SYNDIG1: variants seen among roughly 807,000 people sequenced by gnomAD.
SYNDIG1 encodes the protein synapse differentiation inducing 1.
SYNDIG1 carries 9 observed loss-of-function variants against 19.4 expected under a neutral mutation model. The ratio of observed to expected loss-of-function variants is 0.46; its 90% CI spans 0.28 to 0.81. The LOEUF (loss-of-function observed/expected upper bound fraction) is 0.81. Ranked by LOEUF, SYNDIG1 falls within the 30% of genes least tolerant of loss-of-function variation. SYNDIG1 has a pLI of 0.12. For missense variants in SYNDIG1, 311 were observed against 343.3 expected, an observed-to-expected ratio of 0.91 and a Z score of 0.74; for synonymous variants, 141 against 145.9, an observed-to-expected ratio of 0.97 and a Z score of 0.24.
chr20:24,585,838 A>G (rs1347266984), intron 3 of SYNDIG1, among the ~76,000 whole-genome samples: 1 of 152,148 alleles, frequency 6.6e-6, no homozygotes, highest in South Asian at 2.1e-4. Context: ...GGTGCTGCGC[A>G]CCCATGGGGT....
rs2059565317 is a variant in SYNDIG1, at chr20:24,659,745, T to C, written c.619-5601T>C. On this transcript the variant is annotated intron_variant, in intron 3 of 3. Transcript: ENST00000376862. ...GACAGGTGCTGCCTTGTCAACGTAA[T>C]TACGTTTGCATCTGTGTTCAGAGAT... Among the ~76,000 whole-genome samples, 6 of 152,326 alleles carry C rather than the reference T, an allele frequency of 3.9e-5. No homozygotes were observed. The South Asian group carries it at 1.0e-3, about 26-fold the overall frequency.
intron 1 of SYNDIG1, among the ~76,000 whole-genome samples, chr20:24,507,478 C>A (rs2056621420): frequency 6.6e-6 from 1 of 152,230 alleles, no homozygotes. Context: ...CAGCACAAGG[C>A]CCCTCCTTTG....
chr20:24,637,954 G>A (rs532616468), intron 3 of SYNDIG1, among the ~76,000 whole-genome samples: 11 of 152,358 alleles, frequency 7.2e-5, no homozygotes, highest in African/African-American at 2.4e-4. Flanking sequence ...GCGACCTGGA[G>A]GGGTTAAATG....
At chr20:24,512,634 C>T (rs1229389502) in intron 1 of SYNDIG1, among the ~76,000 whole-genome samples, 2 of 152,132 alleles carry the variant, frequency 1.3e-5, no homozygotes, top group Non-Finnish European at 2.9e-5. Context: ...GTAAACAAAG[C>T]TGGGAAGCTC....
intron 2 of SYNDIG1, among the ~76,000 whole-genome samples, chr20:24,574,680 A>G (rs1451051422): frequency 3.9e-5 from 6 of 152,210 alleles, no homozygotes; most frequent in Non-Finnish European, 8.8e-5. Context: ...AAAGACAAGT[A>G]TTTCAATTAA....
At chr20:24,663,144 T>C (rs2059618417) in intron 3 of SYNDIG1, among the ~76,000 whole-genome samples, 1 of 152,242 alleles carries the variant, frequency 6.6e-6, no homozygotes, top group Admixed American at 6.5e-5. Context: ...GAGTGGGCAC[T>C]GCAGAAACTC....
chr20:24,606,330 G>T (rs190487875), intron 3 of SYNDIG1, among the ~76,000 whole-genome samples: 6 of 152,284 alleles, frequency 3.9e-5, no homozygotes, highest in African/African-American at 1.4e-4. Context: ...GATGGTCAGG[G>T]GACTGACCCC....
chr20:24,656,599 G>C (rs762567854), intron 3 of SYNDIG1, among the ~76,000 whole-genome samples: 3 of 152,200 alleles, frequency 2.0e-5, no homozygotes, highest in Non-Finnish European at 4.4e-5. Flanking sequence ...CAGGATGCAG[G>C]ACCGAGCTGA....
intron 2 of SYNDIG1, among the ~76,000 whole-genome samples, chr20:24,566,604 A>G (rs1002071894): frequency 2.6e-5 from 4 of 152,168 alleles, no homozygotes; most frequent in African/African-American, 9.7e-5. Context: ...ATCACTAATC[A>G]CTAATCACTG....
At chr20:24,473,904 G>C (rs1419026078) in intron 1 of SYNDIG1, among the ~76,000 whole-genome samples, 1 of 152,180 alleles carries the variant, frequency 6.6e-6, no homozygotes, top group African/African-American at 2.4e-5. Context: ...TCTCAGAAAA[G>C]TGACGTGGTT....
chr20:24,507,662 G>T (rs1443028791), intron 1 of SYNDIG1, among the ~76,000 whole-genome samples: 3 of 152,204 alleles, frequency 2.0e-5, no homozygotes, highest in African/African-American at 7.2e-5. Flanking sequence ...CTGTGGGTGT[G>T]GGGGAGCCTT....
intron 2 of SYNDIG1, among the ~76,000 whole-genome samples, chr20:24,552,220 A>G (rs1299880167): frequency 6.6e-6 from 1 of 152,202 alleles, no homozygotes; most frequent in Non-Finnish European, 1.5e-5. Flanking sequence ...TCTGTCACTG[A>G]AACACCAGGG....
intron 1 of SYNDIG1, among the ~76,000 whole-genome samples, chr20:24,473,601 C>T (rs945712692): frequency 2.0e-5 from 3 of 152,050 alleles, no homozygotes; most frequent in Admixed American, 6.5e-5. Flanking sequence ...TTGGATTGCA[C>T]GGGGAGTGGG....
chr20:24,665,534 G>A lies in SYNDIG1; in HGVS notation c.*30G>A. On this transcript the variant is annotated 3_prime_UTR_variant, in exon 4 of 4. Transcript: ENST00000376862. ...CCTGCGAATGGAGGGGGAGCACCCG[G>A]GGCCAGGTCTGTGTGGACGTGGAGG... The A allele has an allele frequency of 6.2e-7, 1 of 1,613,502 alleles. No homozygotes were observed. Among genetic ancestry groups the A allele is most frequent in the Non-Finnish European group, 8.5e-7 (1 of 1,179,834 alleles).
chr20:24,652,425 A>G (rs570958583), intron 3 of SYNDIG1, among the ~76,000 whole-genome samples: 23 of 152,256 alleles, frequency 1.5e-4, no homozygotes, highest in Non-Finnish European at 2.1e-4. Flanking sequence ...CTCCTCCACC[A>G]TAACCTACAA....
chr20:24,568,132 G>A (rs961151009), intron 2 of SYNDIG1, among the ~76,000 whole-genome samples: 3 of 152,080 alleles, frequency 2.0e-5, no homozygotes, highest in African/African-American at 4.8e-5. Flanking sequence ...CAGAAGGAGA[G>A]TCTGTCTCAA....
chr20:24,491,277 G>C (rs886552210), intron 1 of SYNDIG1, among the ~76,000 whole-genome samples: 15 of 152,196 alleles, frequency 9.9e-5, no homozygotes, highest in African/African-American at 3.6e-4. Flanking sequence ...ACAAAGTAAG[G>C]GTTGCCCCTG....
chr20:24,543,943 G>T (rs575870670), intron 2 of SYNDIG1, among the ~76,000 whole-genome samples: 1 of 152,164 alleles, frequency 6.6e-6, no homozygotes, highest in African/African-American at 2.4e-5. Context: ...AGCCACATGA[G>T]GCTGGAAATA....
intron 1 of SYNDIG1, among the ~76,000 whole-genome samples, chr20:24,527,123 CATTAG>C (rs1327760668): frequency 6.6e-6 from 1 of 152,190 alleles, no homozygotes; most frequent in Non-Finnish European, 1.5e-5. Flanking sequence ...CTGAGACTCC[CATTAG>C]AAGAGACTGA....
Sources: allele counts gnomAD v4.1 joint callset (sites outside exome capture counted in the v4.1 genomes callset), GRCh38; gene constraint gnomAD v4.1.1; transcripts MANE v1.5; gene names NCBI Gene and HGNC (gene_info 2026-07-23, HGNC 2026-07-21).